EYS: variants seen among roughly 807,000 people sequenced by gnomAD.
The protein encoded by EYS is EGF-like photoreceptor maintenance factor.
EYS carries 250 observed loss-of-function variants against 282.1 expected under a neutral mutation model. That is an observed-to-expected ratio of 0.89 (90% CI 0.80 to 0.98). EYS has a LOEUF of 0.98. Ranked by LOEUF, EYS falls within the 50% of genes least tolerant of loss-of-function variation. The probability of loss-of-function intolerance (pLI) is 0.00; values close to 1 mark genes in which losing one functional copy is unlikely to be tolerated. For synonymous variants in EYS, 1,355 were observed against 1,282.9 expected (o/e 1.06, Z -1.20); for missense variants, 4,016 against 3,709.0 (o/e 1.08, Z -2.15).
intron 7 of EYS, among the ~76,000 whole-genome samples, chr6:65,386,383 C>T (rs144347458): frequency 8.0e-5 from 12 of 149,820 alleles, no homozygotes; most frequent in African/African-American, 2.2e-4. Context: ...AAGAAACATG[C>T]GCTTGTATCC....
chr6:64,631,707 C>A (rs903353297), intron 22 of EYS: 12 of 152,122 alleles, frequency 7.9e-5, no homozygotes, highest in African/African-American at 2.2e-4. Flanking sequence ...AGGCACATAA[C>A]AAAGCAATTC....
intron 22 of EYS, among the ~76,000 whole-genome samples, chr6:64,643,326 A>C (rs1389258986): frequency 6.6e-6 from 1 of 152,206 alleles, no homozygotes; most frequent in East Asian, 1.9e-4. Flanking sequence ...TTAATTTTAC[A>C]CCAACCCAAT....
intron 11 of EYS, chr6:65,300,793 A>C (rs1180622393): frequency 6.6e-6 from 1 of 152,210 alleles, no homozygotes; most frequent in African/African-American, 2.4e-5. Context: ...AGTCAGGGGA[A>C]GTGGCCTGAC....
At chr6:65,069,371 A>T (rs1773841991) in intron 12 of EYS, among the ~76,000 whole-genome samples, 1 of 151,992 alleles carries the variant, frequency 6.6e-6, no homozygotes, top group South Asian at 2.1e-4. Flanking sequence ...TCCTTAAGTC[A>T]ACTCAATTTC....
At chr6:65,590,062 A>G (rs1765179731) in intron 2 of EYS, among the ~76,000 whole-genome samples, 1 of 152,110 alleles carries the variant, frequency 6.6e-6, no homozygotes, top group Non-Finnish European at 1.5e-5. Context: ...ACAGCACAAT[A>G]CTAGAGACCT....
chr6:65,318,109 C>T (rs534712228), intron 11 of EYS, among the ~76,000 whole-genome samples: 113 of 151,384 alleles, frequency 7.5e-4, no homozygotes, highest in African/African-American at 2.5e-3. Flanking sequence ...CCTCATGATC[C>T]GCCCACCTCG....
At chr6:65,319,959 T>C (rs961208208) in intron 11 of EYS, among the ~76,000 whole-genome samples, 12 of 152,042 alleles carry the variant, frequency 7.9e-5, no homozygotes, top group African/African-American at 2.9e-4. Context: ...TGCCAGCTTA[T>C]TTCCCCAACT....
chr6:64,342,214 T>C (rs751705307), intron 29 of EYS, among the ~76,000 whole-genome samples: 3 of 151,618 alleles, frequency 2.0e-5, no homozygotes, highest in Non-Finnish European at 4.4e-5. Context: ...GCATAAAATG[T>C]CTATTCCAAT....
chr6:64,440,809 T>C (rs1169225486), intron 26 of EYS, among the ~76,000 whole-genome samples: 1 of 152,048 alleles, frequency 6.6e-6, no homozygotes, highest in South Asian at 2.1e-4. Flanking sequence ...ATACCCAATA[T>C]TGATGAAATT....
At chr6:64,545,775 T>C (rs1193394734) in intron 26 of EYS, among the ~76,000 whole-genome samples, 6 of 152,038 alleles carry the variant, frequency 3.9e-5, no homozygotes, top group African/African-American at 1.4e-4. Context: ...TTCACAATTG[T>C]TTCAAAGAGA....
At chr6:65,459,353 T>C (rs1012102313) in intron 5 of EYS, among the ~76,000 whole-genome samples, 1 of 152,142 alleles carries the variant, frequency 6.6e-6, no homozygotes, top group Non-Finnish European at 1.5e-5. Flanking sequence ...GTATTAATTC[T>C]GAATAATTGC....
intron 31 of EYS, among the ~76,000 whole-genome samples, chr6:64,193,478 T>C (rs1421014299): frequency 2.0e-5 from 3 of 151,970 alleles, no homozygotes; most frequent in Non-Finnish European, 2.9e-5. Flanking sequence ...GCCCGGCTAA[T>C]CTTTTTTTTT....
At chr6:64,000,168 CTTTTTTTTTT>C (rs71551553) in intron 33 of EYS, among the ~76,000 whole-genome samples, 12,768 of 42,738 alleles carry the variant, frequency 0.3, 2,548 homozygotes, top group Non-Finnish European at 0.37. Flanking sequence ...AGACATGGGA[CTTTTTTTTTT>C]TTTTTTTTTT....
chr6:64,873,249 A>G (rs1766648362), intron 19 of EYS, among the ~76,000 whole-genome samples: 1 of 152,052 alleles, frequency 6.6e-6, no homozygotes, highest in South Asian at 2.1e-4. Flanking sequence ...TTTTAAAACC[A>G]TCAGATCTTG....
At chr6:65,414,453 A>G (rs182767640) in intron 5 of EYS, among the ~76,000 whole-genome samples, 1 of 152,268 alleles carries the variant, frequency 6.6e-6, no homozygotes, top group Admixed American at 6.5e-5. Flanking sequence ...AATTATAGAG[A>G]CTGGATTAGG....
chr6:65,171,612 T>A (rs1213287082), intron 12 of EYS, among the ~76,000 whole-genome samples: 2 of 151,282 alleles, frequency 1.3e-5, no homozygotes, highest in African/African-American at 4.9e-5. Context: ...AAAATGGAAC[T>A]GGTGATGACA....
At chr6:63,732,766 G>C (rs1410623613) in intron 41 of EYS, among the ~76,000 whole-genome samples, 1 of 152,170 alleles carries the variant, frequency 6.6e-6, no homozygotes, top group African/African-American at 2.4e-5. Flanking sequence ...ACGTTCACTA[G>C]GTTCACAGAA....
chr6:63,911,129 A>C (rs1022073754), intron 35 of EYS, among the ~76,000 whole-genome samples: 1 of 151,748 alleles, frequency 6.6e-6, no homozygotes, highest in Non-Finnish European at 1.5e-5. Context: ...GTTAAAAAAA[A>C]AAAAAAGCCC....
At chr6:65,445,620 T>G (rs558599786) in intron 5 of EYS, among the ~76,000 whole-genome samples, 2 of 151,908 alleles carry the variant, frequency 1.3e-5, no homozygotes, top group East Asian at 1.9e-4. Context: ...TTCAAACAGA[T>G]AGCAAAATCA....
Sources: gnomAD v4.1 joint callset for allele counts (sites outside exome capture counted in the v4.1 genomes callset) on GRCh38, gnomAD v4.1.1 for gene constraint, MANE v1.5 for transcripts, NCBI Gene and HGNC (gene_info 2026-07-23, HGNC 2026-07-21) for gene names.